The following RDH8 variants were observed in gnomAD, a reference collection of about 807,000 sequenced individuals.
The protein encoded by RDH8 is retinol dehydrogenase 8.
RDH8 carries 14 observed loss-of-function variants against 22.3 expected under a neutral mutation model. The ratio of observed to expected loss-of-function variants is 0.63; its 90% CI spans 0.42 to 0.98. RDH8 has a LOEUF of 0.98. Among genes scored for constraint, RDH8 ranks in the 50% least tolerant of loss-of-function variants. The pLI is 0.00. For missense variants in RDH8, 389 were observed against 409.8 expected (o/e 0.95, Z 0.44); for synonymous variants, 175 against 171.7 (o/e 1.02, Z -0.15).
At chr19:10,017,544 C>CTA (rs376391815) in intron 2 of RDH8, among the ~76,000 whole-genome samples, 21 of 152,304 alleles carry the variant, frequency 1.4e-4, no homozygotes, top group African/African-American at 4.8e-4. Context: ...CTAATCCCAG[C>CTA]TACTCGGGAG....
rs529589448 is a variant in RDH8 at position 10,022,022 on chromosome 19, G to A, written c.*273G>A. ...AGCTGTCTCTGGGAAAGCAAGGGAG[G>A]CTTCCTGGAGGAAGCGGCATTGTTA... On this transcript the variant is annotated 3_prime_UTR_variant, in exon 6 of 6. Coordinates refer to ENST00000591589, the MANE Select transcript of RDH8 (RefSeq NM_015725.4). The A allele has an allele frequency of 1.0e-5, 5 of 483,354 alleles. No individual in the cohort carries two copies. The highest frequency in any genetic ancestry group is 1.9e-5 in the Non-Finnish European group (5 of 267,852). The allele number at this position is 483,354 out of a possible 1,614,324, so 29.9% of individuals were successfully genotyped here.
rs2087637696 is a variant in RDH8, at chr19:10,018,747, G to C, written c.279G>C (p.Met93Ile). 1 of 1,608,224 alleles carries C rather than the reference G, an allele frequency of 6.2e-7. No homozygotes were observed. Residue 93 changes from methionine to isoleucine, a missense_variant, in exon 3 of 6, where the codon ATG becomes ATC. Transcript: ENST00000591589. ...TTCTCTTAGTGAATAATGCTGGAAT[G>C]GGCCTGGTGGGGCCCCTGGAGGGGC... ...EVDVLVNNAGMGLVGPLEGLS... is the reference protein window; with the variant it reads ...EVDVLVNNAGIGLVGPLEGLS...
Position 10,013,616 on chromosome 19 carries a change from T to C in RDH8, c.103+16T>C. 3 of 1,613,640 alleles carry C rather than the reference T, an allele frequency of 1.9e-6. No homozygotes were observed. Among genetic ancestry groups the C allele is most frequent in the Non-Finnish European group, 2.5e-6 (3 of 1,179,944 alleles). On this transcript the variant is annotated intron_variant, in intron 1 of 5. Coordinates refer to ENST00000591589, the MANE Select transcript of RDH8 (RefSeq NM_015725.4). ...CGCTACCAGGGTAAGAAGTGCAGGG[T>C]GGCACTAGGAGGCAGCCGGGTGGAA...
rs764504717 is a variant in RDH8, at chr19:10,021,652, C to T, written c.839C>T (p.Thr280Met). Reference protein sequence around the residue: ...VDSSGSLYVRTTHRLLFRCPR... With the variant: ...VDSSGSLYVRMTHRLLFRCPR... Reference sequence around the variant, plus strand: ...TCCTCTGGCAGCCTGTATGTGCGAACGACCCACCGCCTCCTCTTCCGCTGT... The same window carrying T: ...TCCTCTGGCAGCCTGTATGTGCGAATGACCCACCGCCTCCTCTTCCGCTGT... The change falls in exon 6 of 6, where the codon ACG becomes ATG. Residue 280 changes from threonine (T) to methionine (M), a missense_variant. Physicochemically the swap from Thr to Met is moderately conservative, Grantham distance 81. Coordinates refer to ENST00000591589, the MANE Select transcript of RDH8 (RefSeq NM_015725.4). 6.2e-6 allele frequency: 10 copies of T among 1,614,142 alleles called. No individual in the cohort carries two copies. The highest frequency in any genetic ancestry group is 4.4e-5 in the South Asian group (4 of 91,080).
chr19:10,021,195 C>G, intron 4 of RDH8, 60 bp from the exon 5 acceptor site: 2 of 1,507,176 alleles, frequency 1.3e-6, no homozygotes, highest in Non-Finnish European at 9.0e-7. Context: ...AAAAAATGGA[C>G]AAAATAGGTC....
chr19:10,018,145 A>G (rs533976142), intron 2 of RDH8, among the ~76,000 whole-genome samples: 1 of 151,478 alleles, frequency 6.6e-6, no homozygotes, highest in South Asian at 2.1e-4. Context: ...GGGTTTCTCC[A>G]TGTTCATCAG....
chr19:10,017,184 C>G lies in RDH8; in HGVS notation c.231C>G (p.Leu77=). 6.2e-7 allele frequency: 1 copy of G among 1,604,166 alleles called. No homozygotes were observed. The highest frequency in any genetic ancestry group is 8.5e-7 in the Non-Finnish European group (1 of 1,173,830). ...GTGATGAGTCGGTGGCCCAGTGTCT[C>G]AGCTGTATCCAGGGAGAAGTGGACG... The part of the protein sequence containing the change: ...VCSDESVAQC[L]SCIQGEVDVL... The change falls in exon 2 of 6, where the codon CTC becomes CTG. Residue 77 remains leucine (L), a synonymous_variant. Coordinates refer to ENST00000591589, the MANE Select transcript of RDH8 (RefSeq NM_015725.4).
At position 10,021,842 on chromosome 19, in the gene RDH8, A is replaced by T; in HGVS notation, c.*93A>T. 1 of 1,319,936 alleles carries T rather than the reference A, an allele frequency of 7.6e-7. No homozygotes were observed. The highest frequency in any genetic ancestry group is 2.5e-5 in the East Asian group (1 of 40,362). The allele number at this position is 1,319,936 out of a possible 1,614,324, so 81.8% of individuals were successfully genotyped here. ...GGATGAACAGACTCTTCATTTATTC[A>T]TTCTGCAAACTCCCCCTCCCCTCCT... On this transcript the variant is annotated 3_prime_UTR_variant, in exon 6 of 6. Coordinates refer to ENST00000591589, the MANE Select transcript of RDH8 (RefSeq NM_015725.4).
chr19:10,022,048 T>C lies in RDH8; in HGVS notation c.*299T>C, dbSNP rs953902255. ...CTTCCTGGAGGAAGCGGCATTGTTA[T>C]GAGCCTTGAAGGAAGAGACAGACTC... is the stretch of plus-strand genomic sequence containing the variant. On this transcript the variant is annotated 3_prime_UTR_variant, in exon 6 of 6. Transcript: ENST00000591589. The C allele has an allele frequency of 2.5e-6, 1 of 400,906 alleles. No individual in the cohort carries two copies. 24.8% of individuals were successfully genotyped at this position (400,906 alleles called of 1,614,324 possible).
chr19:10,017,179 T>C lies in RDH8; in HGVS notation c.226T>C (p.Cys76Arg). ...DVCSDESVAQ[C>R]LSCIQGEVDV... ...GTGCAGTGATGAGTCGGTGGCCCAG[T>C]GTCTCAGCTGTATCCAGGGAGAAGT... Residue 76 changes from cysteine (C) to arginine (R), a missense_variant, in exon 2 of 6, where the codon TGT (cysteine) becomes CGT (arginine). Physicochemically the swap from Cys to Arg is radical, Grantham distance 180. Coordinates refer to ENST00000591589, the MANE Select transcript of RDH8 (RefSeq NM_015725.4). 3 of 1,607,128 alleles carry C rather than the reference T, an allele frequency of 1.9e-6. No homozygotes were observed. Among genetic ancestry groups the C allele is most frequent in the Non-Finnish European group, 2.6e-6 (3 of 1,175,486 alleles).
chr19:10,021,279 C>T lies in RDH8; in HGVS notation c.561C>T (p.Pro187=), dbSNP rs763031714. ...NIFISLVEPG[P]VVTEFEGKLL... ...GCATCTCCCTGGTGGAGCCAGGCCC[C>T]GTGGTCACCGAGTTTGAGGGGAAGC... Residue 187 remains proline (P), a synonymous_variant, in exon 5 of 6, where the codon CCC becomes CCT. Coordinates refer to ENST00000591589, the MANE Select transcript of RDH8 (RefSeq NM_015725.4). 13 of 1,614,030 alleles carry T rather than the reference C, an allele frequency of 8.1e-6. No homozygotes were observed. The highest frequency in any genetic ancestry group is 1.3e-5 in the African/African-American group (1 of 74,904).
chr19:10,021,799 T>G lies in RDH8; in HGVS notation c.*50T>G. On this transcript the variant is annotated 3_prime_UTR_variant, in exon 6 of 6. Coordinates refer to ENST00000591589, the MANE Select transcript of RDH8 (RefSeq NM_015725.4). The stretch of plus-strand genomic sequence containing the variant: ...ATCCCTGAACAACCAGACCTCTTCA[T>G]TCCACATCTAATTCAAAGGATGAAC... 1 of 1,542,794 alleles carries G rather than the reference T, an allele frequency of 6.5e-7. No homozygotes were observed. Among genetic ancestry groups the G allele is most frequent in the South Asian group, 1.1e-5 (1 of 88,744 alleles).
chr19:10,019,821 T>TAAACAAAC (rs35825272), intron 3 of RDH8, among the ~76,000 whole-genome samples: 76,429 of 150,148 alleles, frequency 0.51, 19,703 homozygotes, highest in South Asian at 0.67. Flanking sequence ...AATAAATAAG[T>TAAACAAAC]AAACAAACAA....
At chr19:10,015,823 ACCCCTGTAATC>A (rs1262384657) in intron 1 of RDH8, among the ~76,000 whole-genome samples, 1 of 151,340 alleles carries the variant, frequency 6.6e-6, no homozygotes, top group Admixed American at 6.6e-5. Context: ...AGGCACCTGT[ACCCCTGTAATC>A]CCAGCTACTC....
intron 2 of RDH8, among the ~76,000 whole-genome samples, chr19:10,018,100 C>G (rs1367604935): frequency 1.3e-5 from 2 of 152,128 alleles, no homozygotes; most frequent in Non-Finnish European, 2.9e-5. Flanking sequence ...CAGGCGCCAC[C>G]ACACTTGGCT....
intron 1 of RDH8, 152 bp downstream of exon 1, chr19:10,013,752 T>C: frequency 1.3e-6 from 1 of 791,302 alleles, no homozygotes. Flanking sequence ...GAAATATTTC[T>C]TGAGCATCTT....
chr19:10,018,351 A>T (rs2087634971), intron 2 of RDH8, among the ~76,000 whole-genome samples: 1 of 152,212 alleles, frequency 6.6e-6, no homozygotes. Context: ...ATATGGAGAA[A>T]GCCATATGTG....
At chr19:10,018,963 A>C in intron 3 of RDH8, 53 bp downstream of exon 3, 1 of 1,433,568 alleles carries the variant, frequency 7.0e-7, no homozygotes, top group Non-Finnish European at 9.6e-7. Context: ...GATCCTCCCC[A>C]GACTGGGAGG....
rs1444328207 is a variant in RDH8 at position 10,013,493 on chromosome 19, T to G, written c.-5T>G. On this transcript the variant is annotated 5_prime_UTR_variant, in exon 1 of 6. Coordinates refer to ENST00000591589, the MANE Select transcript of RDH8 (RefSeq NM_015725.4). ...GGAGGTCACGAGTCCAGGGAGGGGA[T>G]CAACATGGCCGCTGCACCCCGGACT... The G allele has an allele frequency of 6.2e-7, 1 of 1,612,172 alleles. No individual in the cohort carries two copies. Among genetic ancestry groups the G allele is most frequent in the East Asian group, 2.2e-5 (1 of 44,868 alleles).
Sources: allele counts gnomAD v4.1 joint callset (sites outside exome capture counted in the v4.1 genomes callset), GRCh38; gene constraint gnomAD v4.1.1; transcripts MANE v1.5; gene names NCBI Gene and HGNC (gene_info 2026-07-23, HGNC 2026-07-21).